The following KIZ variants were observed in gnomAD, a reference collection of about 807,000 sequenced individuals.
The protein encoded by KIZ is centrosomal protein kizuna.
KIZ carries 68 observed loss-of-function variants against 79.6 expected under a neutral mutation model. The observed-to-expected ratio is 0.85, with a 90% confidence interval of 0.70 to 1.05. The LOEUF (loss-of-function observed/expected upper bound fraction) is 1.05, where lower values mean the gene tolerates loss of function less well. KIZ is among the 50% of genes least tolerant of loss of function. KIZ has a pLI of 0.00. For missense variants in KIZ, 797 were observed against 800.4 expected (o/e 1.00, Z 0.05); for synonymous variants, 280 against 281.8 (o/e 0.99, Z 0.06).
intron 6 of KIZ, among the ~76,000 whole-genome samples, chr20:21,170,931 A>G (rs142831067): frequency 0.02 from 3,052 of 152,238 alleles, 103 homozygotes; most frequent in African/African-American, 0.068. Flanking sequence ...AGTTCCATCT[A>G]TGTTGTTGTA....
At chr20:21,187,632 C>T (rs2122990188) in intron 6 of KIZ, among the ~76,000 whole-genome samples, 1 of 152,280 alleles carries the variant, frequency 6.6e-6, no homozygotes, top group African/African-American at 2.4e-5. Flanking sequence ...CTCTCTTAAA[C>T]ACACGTGTAT....
intron 2 of KIZ, among the ~76,000 whole-genome samples, chr20:21,134,535 A>G (rs1167295047): frequency 1.3e-5 from 2 of 152,184 alleles, no homozygotes; most frequent in South Asian, 2.1e-4. Flanking sequence ...AATTTTATCA[A>G]CATTCTTTTT....
chr20:21,197,413 G>C (rs2035387696), intron 6 of KIZ: 1 of 152,190 alleles, frequency 6.6e-6, no homozygotes, highest in Non-Finnish European at 1.5e-5. Flanking sequence ...CTATACTTCA[G>C]CCAGAAGTTT....
At chr20:21,207,841 G>A (rs974376434) in intron 7 of KIZ, among the ~76,000 whole-genome samples, 1 of 152,028 alleles carries the variant, frequency 6.6e-6, no homozygotes, top group Non-Finnish European at 1.5e-5. Context: ...CTCCCAAGTA[G>A]CTGGGACTAC....
At chr20:21,204,800 T>C (rs1239545702) in intron 6 of KIZ, among the ~76,000 whole-genome samples, 2 of 152,178 alleles carry the variant, frequency 1.3e-5, no homozygotes, top group Non-Finnish European at 2.9e-5. Context: ...TTTCCTAATA[T>C]CTTAATTTTT....
At chr20:21,190,438 T>C (rs1024030750) in intron 6 of KIZ, among the ~76,000 whole-genome samples, 1 of 152,362 alleles carries the variant, frequency 6.6e-6, no homozygotes, top group Non-Finnish European at 1.5e-5. Context: ...GGGGTAGAGC[T>C]TCTACAGACC....
At chr20:21,243,164 A>T (rs1377450253) in intron 11 of KIZ, among the ~76,000 whole-genome samples, 1 of 152,096 alleles carries the variant, frequency 6.6e-6, no homozygotes, top group Non-Finnish European at 1.5e-5. Context: ...GCCTTTCCAG[A>T]TGCTCGTAGG....
At chr20:21,152,734 T>C (rs1335350728) in intron 4 of KIZ, among the ~76,000 whole-genome samples, 1 of 152,336 alleles carries the variant, frequency 6.6e-6, no homozygotes, top group East Asian at 1.9e-4. Context: ...GTGTTCTGTT[T>C]ATTTTGTGAA....
chr20:21,128,059 C>CT (rs2031597082), intron 1 of KIZ, among the ~76,000 whole-genome samples: 1 of 152,218 alleles, frequency 6.6e-6, no homozygotes, highest in South Asian at 2.1e-4. Context: ...GTCACCCAGG[C>CT]TGGAGTGCAA....
At chr20:21,216,195 A>G (rs941620970) in intron 9 of KIZ, among the ~76,000 whole-genome samples, 1 of 152,198 alleles carries the variant, frequency 6.6e-6, no homozygotes. Flanking sequence ...GAACGATATC[A>G]TTATTTTTTT....
chr20:21,237,272 A>G lies in KIZ; in HGVS notation c.1880+4442A>G, dbSNP rs1305768090. Among the ~76,000 whole-genome samples, 5 of 149,484 alleles carry G rather than the reference A, an allele frequency of 3.3e-5. No homozygotes were observed. The East Asian group carries it at 9.8e-4, about 29-fold the overall frequency. On this transcript the variant is annotated intron_variant, in intron 11 of 12. Coordinates refer to ENST00000619189, the MANE Select transcript of KIZ (RefSeq NM_018474.6). ...CATCGAGATCGTGCCACTACACTCC[A>G]GCCTGGGTGACAGAACAAAACTCCG...
At chr20:21,132,428 T>G (rs770914553) in intron 2 of KIZ, among the ~76,000 whole-genome samples, 1 of 152,122 alleles carries the variant, frequency 6.6e-6, no homozygotes, top group African/African-American at 2.4e-5. Context: ...ATTACAGGTA[T>G]GTGCCACCAT....
intron 11 of KIZ, among the ~76,000 whole-genome samples, chr20:21,236,379 G>A (rs548324901): frequency 2.0e-5 from 3 of 152,278 alleles, no homozygotes; most frequent in African/African-American, 4.8e-5. Context: ...TTTGAGGAAC[G>A]TTCAAGCTGA....
chr20:21,138,441 C>T (rs2032322017), intron 3 of KIZ, among the ~76,000 whole-genome samples: 1 of 152,206 alleles, frequency 6.6e-6, no homozygotes, highest in South Asian at 2.1e-4. Context: ...CTGATGCTAT[C>T]TAATACAGCT....
chr20:21,189,805 C>A (rs1374885662), intron 6 of KIZ, among the ~76,000 whole-genome samples: 1 of 152,136 alleles, frequency 6.6e-6, no homozygotes, highest in Non-Finnish European at 1.5e-5. Context: ...TGTTTGCTGA[C>A]CCCTGGTCCA....
chr20:21,132,684 G>A (rs2031929916), intron 2 of KIZ, among the ~76,000 whole-genome samples: 1 of 152,186 alleles, frequency 6.6e-6, no homozygotes, highest in African/African-American at 2.4e-5. Context: ...AAATCGGTAT[G>A]AGATCAAAAT....
intron 9 of KIZ, among the ~76,000 whole-genome samples, chr20:21,228,477 G>A (rs550993591): frequency 1.8e-4 from 28 of 152,174 alleles, no homozygotes; most frequent in South Asian, 1.5e-3. Context: ...CTACAAACCC[G>A]TTCTCGCTCC....
At position 21,174,018 on chromosome 20, in the gene KIZ, C is replaced by T. The variant is rs111585008; in HGVS notation, c.1352+10859C>T. ...GAACCAGCAAAGGAGTCTCAGAAGA[C>T]GCTGCAGGGAAGAACGAGGAGAACC... On this transcript the variant is annotated intron_variant, in intron 6 of 12. Coordinates refer to ENST00000619189, the MANE Select transcript of KIZ (RefSeq NM_018474.6). Among the ~76,000 whole-genome samples, 1,193 of 152,242 alleles carry T rather than the reference C, an allele frequency of 7.8e-3. 9 individuals are homozygous for T. The highest frequency in any genetic ancestry group is 0.012 in the Non-Finnish European group (832 of 68,002).
intron 6 of KIZ, chr20:21,193,903 C>T (rs2035224191): frequency 6.6e-6 from 1 of 150,452 alleles, no homozygotes; most frequent in Admixed American, 6.6e-5. Context: ...ATACCTAATG[C>T]TAAATGACGA....
Sources: gnomAD v4.1 joint callset for allele counts (sites outside exome capture counted in the v4.1 genomes callset) on GRCh38, gnomAD v4.1.1 for gene constraint, MANE v1.5 for transcripts, NCBI Gene and HGNC (gene_info 2026-07-23, HGNC 2026-07-21) for gene names.